Variants in PARD3B observed in about 807,000 individuals in gnomAD.
PARD3B encodes the protein par-3 family cell polarity regulator beta.
In PARD3B, 103 loss-of-function variants were observed where a neutral mutation model predicts 130.2. That is an observed-to-expected ratio of 0.79 (90% CI 0.67 to 0.93). The LOEUF (loss-of-function observed/expected upper bound fraction) is 0.93. Ranked by LOEUF, PARD3B falls within the 40% of genes least tolerant of loss-of-function variation. The pLI, the probability that PARD3B is intolerant of heterozygous loss-of-function variation, is 0.00. For synonymous variants in PARD3B, 583 were observed against 553.2 expected, an observed-to-expected ratio of 1.05 and a Z score of -0.76; for missense variants, 1,609 against 1,499.2, an observed-to-expected ratio of 1.07 and a Z score of -1.21.
intron 20 of PARD3B, among the ~76,000 whole-genome samples, chr2:205,469,693 C>T (rs2048757704): frequency 6.6e-6 from 1 of 152,204 alleles, no homozygotes; most frequent in Admixed American, 6.5e-5. Context: ...TTGACATAGA[C>T]TCCTGGTATT....
intron 22 of PARD3B, among the ~76,000 whole-genome samples, chr2:205,596,861 G>A (rs1025133867): frequency 6.6e-6 from 1 of 151,992 alleles, no homozygotes; most frequent in East Asian, 1.9e-4. Flanking sequence ...AGAAGGATGA[G>A]GGAAGCCCTT....
intron 20 of PARD3B, among the ~76,000 whole-genome samples, chr2:205,456,587 T>G (rs2048283964): frequency 6.6e-6 from 1 of 151,978 alleles, no homozygotes; most frequent in Non-Finnish European, 1.5e-5. Flanking sequence ...TCTGAGAGGT[T>G]TTATCATAAA....
chr2:205,519,460 C>A lies in PARD3B; in HGVS notation c.3180+19429C>A, dbSNP rs546760019. On this transcript the variant is annotated intron_variant, in intron 21 of 22. Transcript: ENST00000406610. ...TGTTCTTTTTTTGGACTGGCTATTT[C>A]ATCCTTCAGCTCCTCTATCACTTTG... 1.1e-3 allele frequency among the ~76,000 whole-genome samples: 168 copies of A among 152,300 alleles called. 2 individuals are homozygous for A. The highest frequency in any genetic ancestry group is 3.9e-3 in the African/African-American group (163 of 41,576).
intron 3 of PARD3B, among the ~76,000 whole-genome samples, chr2:205,005,673 G>A (rs1263242312): frequency 6.6e-6 from 1 of 151,932 alleles, no homozygotes; most frequent in Admixed American, 6.6e-5. Flanking sequence ...AGGTAATGTA[G>A]GTTTAAAAAT....
rs562316417 is a variant in PARD3B at position 205,372,840 on chromosome 2, A to G, written c.2631-28173A>G. On this transcript the variant is annotated intron_variant, in intron 18 of 22. Coordinates refer to ENST00000406610, the MANE Select transcript of PARD3B (RefSeq NM_001302769.2). ...ACAAAAGGTCCAAAAATCAGCCAGC[A>G]TAGTGCCATGAGCCTGTAAGCCCAG... Among the ~76,000 whole-genome samples the G allele has an allele frequency of 5.9e-4, 90 of 152,264 alleles. No individual in the cohort carries two copies. The Middle Eastern group carries it at 0.051, about 86-fold the overall frequency.
intron 2 of PARD3B, among the ~76,000 whole-genome samples, chr2:204,785,391 G>A (rs550776178): frequency 6.6e-6 from 1 of 151,900 alleles, no homozygotes; most frequent in Non-Finnish European, 1.5e-5. Flanking sequence ...GCTGAATTAT[G>A]TGCCAGCCCC....
chr2:204,631,705 C>T (rs759467942), intron 1 of PARD3B, among the ~76,000 whole-genome samples: 33 of 152,284 alleles, frequency 2.2e-4, no homozygotes, highest in South Asian at 6.2e-4. Flanking sequence ...TGTCATTGGT[C>T]TGTGTACTTC....
At chr2:205,282,183 G>C (rs1162968945) in intron 16 of PARD3B, among the ~76,000 whole-genome samples, 1 of 152,106 alleles carries the variant, frequency 6.6e-6, no homozygotes, top group East Asian at 1.9e-4. Context: ...ACAGAAGAGA[G>C]ATACTGAATG....
chr2:205,177,047 G>A (rs1490755590), intron 13 of PARD3B, among the ~76,000 whole-genome samples: 4 of 152,104 alleles, frequency 2.6e-5, no homozygotes, highest in Non-Finnish European at 4.4e-5. Flanking sequence ...ATCTCGTGAT[G>A]GTTGGAATGT....
intron 16 of PARD3B, among the ~76,000 whole-genome samples, chr2:205,270,142 TAAAAATTTTAA>T (rs1023717853): frequency 2.0e-5 from 3 of 152,196 alleles, no homozygotes; most frequent in Non-Finnish European, 2.9e-5. Flanking sequence ...TACTCAAAGT[TAAAAATTTTAA>T]AAAAATTTTA....
rs1447996253 is a variant in PARD3B, at chr2:204,675,719, T to G, written c.121-10462T>G. ...AAAGCTGAATGAAAGTGACATGGGT[T>G]AATTAACATTCCTTTAAATATTTAG... is the stretch of plus-strand genomic sequence containing the variant. On this transcript the variant is annotated intron_variant, in intron 1 of 22. Transcript: ENST00000406610. This position sits in a 1 kb window ranked among gnomAD's most constrained non-coding sequence, Gnocchi z 4.4. Among the ~76,000 whole-genome samples, 2 of 152,194 alleles carry G rather than the reference T, an allele frequency of 1.3e-5. No individual in the cohort carries two copies. The highest frequency in any genetic ancestry group is 1.5e-5 in the Non-Finnish European group (1 of 68,028).
chr2:205,452,328 G>A (rs1006219124), intron 20 of PARD3B, among the ~76,000 whole-genome samples: 1 of 152,152 alleles, frequency 6.6e-6, no homozygotes, highest in Non-Finnish European at 1.5e-5. Flanking sequence ...ATAGCATTTT[G>A]TCTGTCACCT....
At chr2:204,639,969 C>T (rs868757223) in intron 1 of PARD3B, among the ~76,000 whole-genome samples, 2 of 151,992 alleles carry the variant, frequency 1.3e-5, no homozygotes, top group African/African-American at 2.4e-5. Context: ...TAAATATACT[C>T]GTTGCTGGGC....
chr2:205,297,507 A>T (rs183375165), intron 16 of PARD3B, among the ~76,000 whole-genome samples: 1 of 152,286 alleles, frequency 6.6e-6, no homozygotes, highest in East Asian at 1.9e-4. Context: ...CTTTCAATTG[A>T]CATTATAATC....
At chr2:205,172,582 G>A (rs920431842) in intron 12 of PARD3B, among the ~76,000 whole-genome samples, 2 of 152,190 alleles carry the variant, frequency 1.3e-5, no homozygotes, top group Admixed American at 6.5e-5. Flanking sequence ...TTTATCAGAT[G>A]TAACAGGTCT....
rs2051282242 is a variant in PARD3B, at chr2:205,525,185, C to T, written c.3180+25154C>T. On this transcript the variant is annotated intron_variant, in intron 21 of 22. Transcript: ENST00000406610. This position sits in a 1 kb window ranked among gnomAD's most constrained non-coding sequence, Gnocchi z 4.2. ...AAAATACTAGGGCTTTTTTCCCCTCCTACATGGTTAACTCCTAATTTTCCT... is the reference window on the plus strand; with the variant it reads ...AAAATACTAGGGCTTTTTTCCCCTCTTACATGGTTAACTCCTAATTTTCCT... Among the ~76,000 whole-genome samples the T allele has an allele frequency of 6.6e-6, 1 of 152,050 alleles. No individual in the cohort carries two copies. The highest frequency in any genetic ancestry group is 2.1e-4 in the South Asian group (1 of 4,830).
At chr2:205,581,271 G>GATATAGATAT in intron 22 of PARD3B, among the ~76,000 whole-genome samples, 1 of 131,196 alleles carries the variant, frequency 7.6e-6, no homozygotes, top group East Asian at 2.1e-4. Flanking sequence ...GATATAGATA[G>GATATAGATAT]ATAGATATAG....
intron 3 of PARD3B, among the ~76,000 whole-genome samples, chr2:204,988,130 G>A (rs1693335877): frequency 6.6e-6 from 1 of 152,124 alleles, no homozygotes; most frequent in Non-Finnish European, 1.5e-5. Context: ...AGACAAAAAG[G>A]AGATGAAGTT....
At chr2:204,924,546 G>C (rs777882256) in intron 2 of PARD3B, among the ~76,000 whole-genome samples, 8 of 152,074 alleles carry the variant, frequency 5.3e-5, no homozygotes, top group Non-Finnish European at 1.2e-4. Flanking sequence ...AAAGTCATCT[G>C]TGAATAGTCT....
Sources: allele counts gnomAD v4.1 joint callset (sites outside exome capture counted in the v4.1 genomes callset), GRCh38; gene constraint gnomAD v4.1.1; non-coding constraint Gnocchi (gnomAD v3.1); transcripts MANE v1.5; gene names NCBI Gene and HGNC (gene_info 2026-07-23, HGNC 2026-07-21).